DNAJC16: variants seen among roughly 807,000 people sequenced by gnomAD.
DNAJC16 encodes the protein dnaJ homolog subfamily C member 16.
A neutral mutation model predicts 92.7 loss-of-function variants in DNAJC16; 76 were observed. That is an observed-to-expected ratio of 0.82 (90% CI 0.68 to 0.99). The LOEUF (loss-of-function observed/expected upper bound fraction) is 0.99, where lower values mean the gene tolerates loss of function less well. Ranked by LOEUF, DNAJC16 falls within the 50% of genes least tolerant of loss-of-function variation. The probability of loss-of-function intolerance (pLI) is 0.00; values close to 1 mark genes in which losing one functional copy is unlikely to be tolerated. For missense variants in DNAJC16, 869 were observed against 942.4 expected (o/e 0.92, Z 1.02); for synonymous variants, 328 against 358.7 (o/e 0.91, Z 0.97).
chr1:15,549,595 A>G (rs996596994), intron 7 of DNAJC16, among the ~76,000 whole-genome samples: 2 of 151,890 alleles, frequency 1.3e-5, no homozygotes, highest in African/African-American at 4.8e-5. Context: ...CGGGCAGATC[A>G]CGAGGTCAGG....
intron 13 of DNAJC16, 72 bp downstream of exon 13, chr1:15,566,252 CA>C: frequency 8.1e-7 from 1 of 1,238,444 alleles, no homozygotes; most frequent in Non-Finnish European, 1.2e-6. Context: ...GATAACGCAG[CA>C]TTGGAACATA....
intron 7 of DNAJC16, among the ~76,000 whole-genome samples, chr1:15,558,450 G>T (rs181663146): frequency 2.2e-3 from 338 of 152,178 alleles, no homozygotes; most frequent in African/African-American, 7.7e-3. Context: ...GCCTCCCAAA[G>T]TTCGGGGATT....
At chr1:15,548,192 G>A in intron 6 of DNAJC16, 78 bp from the exon 7 acceptor site, 1 of 1,462,532 alleles carries the variant, frequency 6.8e-7, no homozygotes, top group Admixed American at 1.8e-5. Flanking sequence ...GCTCAGTGAT[G>A]TGAAAAAGCC....
rs1323558932 is a variant in DNAJC16 at position 15,548,306 on chromosome 1, G to C, written c.901G>C (p.Gly301Arg). The stretch of plus-strand genomic sequence containing the variant: ...TGCATACAAAGATTATTTATCATTT[G>C]GATATGTATATGTGGGTTTGAGAGG... The part of the protein sequence containing the change: ...AFAYKDYLSF[G>R]YVYVGLRGTE... Residue 301 changes from glycine (G) to arginine (R), a missense_variant, in exon 7 of 15, where the codon GGA becomes CGA. Gly to Arg is a moderately radical substitution (Grantham distance 125, BLOSUM62 -2). Transcript: ENST00000375847. The C allele has an allele frequency of 1.4e-5, 22 of 1,614,044 alleles. No homozygotes were observed. Among genetic ancestry groups the C allele is most frequent in the Non-Finnish European group, 1.8e-5 (21 of 1,179,946 alleles).
rs76260170 is a variant in DNAJC16, at chr1:15,556,220, G to GTTGTTTTGTT, written c.1024-3283_1024-3274dup. Among the ~76,000 whole-genome samples the GTTGTTTTGTT allele has an allele frequency of 1.7e-3, 250 of 150,096 alleles. 2 individuals carry two copies. The highest frequency in any genetic ancestry group is 3.5e-3 in the African/African-American group (144 of 40,712). ...GCTGGTATAAGTAATACAGTTGTTG[G>GTTGTTTTGTT]TTGTTTTGTTTTGTTTTGTTTTGTT... is the stretch of plus-strand genomic sequence containing the variant. On this transcript the variant is annotated intron_variant, in intron 7 of 14. Coordinates refer to ENST00000375847, the MANE Select transcript of DNAJC16 (RefSeq NM_015291.4).
chr1:15,537,318 C>T (rs537503400), intron 4 of DNAJC16, among the ~76,000 whole-genome samples: 1 of 152,322 alleles, frequency 6.6e-6, no homozygotes, highest in Non-Finnish European at 1.5e-5. Context: ...TCTTCAGTCA[C>T]ACACTGGTAA....
At chr1:15,552,241 A>G (rs922592334) in intron 7 of DNAJC16, among the ~76,000 whole-genome samples, 1 of 151,360 alleles carries the variant, frequency 6.6e-6, no homozygotes, top group African/African-American at 2.4e-5. Context: ...TAATCCCAGT[A>G]CTTTGGGAGG....
intron 13 of DNAJC16, 130 bp from the exon 14 acceptor site, chr1:15,566,969 A>T: frequency 1.2e-6 from 1 of 800,634 alleles, no homozygotes; most frequent in Non-Finnish European, 1.9e-6. Context: ...CCAATGTGTT[A>T]GACTCAAGAA....
chr1:15,565,852 T>A (rs1638793713), intron 11 of DNAJC16, 67 bp from the exon 12 acceptor site: 1 of 1,511,264 alleles, frequency 6.6e-7, no homozygotes, highest in Non-Finnish European at 9.1e-7. Context: ...GGATTTTTAT[T>A]TTATCTTTTT....
intron 2 of DNAJC16, among the ~76,000 whole-genome samples, chr1:15,529,564 A>T (rs1330372469): frequency 6.6e-6 from 1 of 152,224 alleles, no homozygotes; most frequent in African/African-American, 2.4e-5. Flanking sequence ...TTTTAAAAAA[A>T]TGTATATATA....
intron 4 of DNAJC16, among the ~76,000 whole-genome samples, chr1:15,541,840 G>C (rs1016487720): frequency 6.6e-6 from 1 of 152,112 alleles, no homozygotes; most frequent in African/African-American, 2.4e-5. Context: ...CCCAGTTCCT[G>C]GCACAGATCT....
Position 15,548,407 on chromosome 1 carries a change from C to A in DNAJC16, c.1002C>A (p.Asn334Lys). The A allele has an allele frequency of 6.2e-7, 1 of 1,613,526 alleles. No individual in the cohort carries two copies. The highest frequency in any genetic ancestry group is 8.5e-7 in the Non-Finnish European group (1 of 1,179,692). ...TCTTGGTCTTTAAAGAACATATAAA[C>A]AGGCCTGCCGATGTTATCCAGGTAC... ...PTLLVFKEHI[N>K]RPADVIQARG... Residue 334 changes from asparagine to lysine, a missense_variant, in exon 7 of 15, where the codon AAC (asparagine) becomes AAA (lysine). Transcript: ENST00000375847.
chr1:15,555,073 A>T (rs1451019857), intron 7 of DNAJC16, among the ~76,000 whole-genome samples: 5 of 149,010 alleles, frequency 3.4e-5, no homozygotes, highest in South Asian at 2.1e-4. Flanking sequence ...TGCAGAAAAA[A>T]TTTTTTTAAA....
At chr1:15,533,362 C>T (rs1710703281) in intron 2 of DNAJC16, among the ~76,000 whole-genome samples, 1 of 152,176 alleles carries the variant, frequency 6.6e-6, no homozygotes, top group African/African-American at 2.4e-5. Context: ...CGTGGTGGCT[C>T]ACGCCTGTAT....
chr1:15,566,213 C>A, intron 13 of DNAJC16, 33 bp downstream of exon 13: 2 of 1,546,140 alleles, frequency 1.3e-6, no homozygotes, highest in East Asian at 4.5e-5. Flanking sequence ...CTCACCTCCC[C>A]GGCACCTGCC....
Position 15,567,107 on chromosome 1 carries a change from C to G in DNAJC16, c.1787C>G (p.Pro596Arg). 2 of 1,606,956 alleles carry G rather than the reference C, an allele frequency of 1.2e-6. No individual in the cohort carries two copies. The highest frequency in any genetic ancestry group is 8.5e-7 in the Non-Finnish European group (1 of 1,173,926). ...TCAATATTTCTCCACAGCAAGATTC[C>G]TAAAAAAGGCTTTGTGGAGGTAACT... ...SFTKENSSKI[P>R]KKGFVEVTEL... is the part of the protein sequence containing the mutation. Residue 596 changes from proline to arginine, a missense_variant, in exon 14 of 15, where the codon CCT becomes CGT. Physicochemically the swap from Pro to Arg is moderately radical, Grantham distance 103 (BLOSUM62 -2). Coordinates refer to ENST00000375847, the MANE Select transcript of DNAJC16 (RefSeq NM_015291.4).
intron 2 of DNAJC16, among the ~76,000 whole-genome samples, chr1:15,530,012 A>G (rs1710617133): frequency 6.6e-6 from 1 of 152,126 alleles, no homozygotes; most frequent in Non-Finnish European, 1.5e-5. Context: ...GTACAATGCA[A>G]TTTTTTAAAA....
intron 7 of DNAJC16, among the ~76,000 whole-genome samples, chr1:15,557,875 G>A (rs1041162172): frequency 2.6e-5 from 4 of 151,970 alleles, no homozygotes; most frequent in African/African-American, 9.7e-5. Flanking sequence ...TGGGACTACA[G>A]GCACATGCCA....
rs778485032 is a variant in DNAJC16 at position 15,548,716 on chromosome 1, G to C, written c.1023+288G>C. Among the ~76,000 whole-genome samples, 8 of 152,052 alleles carry C rather than the reference G, an allele frequency of 5.3e-5. No individual in the cohort carries two copies. The South Asian group carries it at 1.2e-3, about 24-fold the overall frequency. Reference sequence around the variant, plus strand: ...GTAAAACAGTAATAAAAAGGAATAAGAAGAAGCCACAAACTAACTGAGAGA... The same window carrying C: ...GTAAAACAGTAATAAAAAGGAATAACAAGAAGCCACAAACTAACTGAGAGA... On this transcript the variant is annotated intron_variant, in intron 7 of 14. Coordinates refer to ENST00000375847, the MANE Select transcript of DNAJC16 (RefSeq NM_015291.4).
Sources: gnomAD v4.1 joint callset for allele counts (sites outside exome capture counted in the v4.1 genomes callset) on GRCh38, gnomAD v4.1.1 for gene constraint, MANE v1.5 for transcripts, NCBI Gene and HGNC (gene_info 2026-07-23, HGNC 2026-07-21) for gene names.